The following MAGI2 variants were observed in gnomAD, a reference collection of about 807,000 sequenced individuals.
MAGI2 encodes the protein membrane-associated guanylate kinase, WW and PDZ domain-containing protein 2.
A neutral mutation model predicts 133.3 loss-of-function variants in MAGI2; 35 were observed. That is an observed-to-expected ratio of 0.26 (90% confidence interval 0.20 to 0.35). MAGI2 has a LOEUF of 0.35. MAGI2 is among the 10% of genes least tolerant of loss of function. The pLI is 1.00. For missense variants in MAGI2, 1,636 were observed against 1,863.4 expected (o/e 0.88, Z 2.25); for synonymous variants, 729 against 710.6 (o/e 1.03, Z -0.41).
At chr7:79,049,969 A>C (rs1812522062) in intron 1 of MAGI2, among the ~76,000 whole-genome samples, 2 of 152,112 alleles carry the variant, frequency 1.3e-5, no homozygotes, top group South Asian at 4.1e-4. Flanking sequence ...TGAGACTCTG[A>C]TTCTGTAGTC....
In MAGI2 at chr7:78,569,633, AAAT is replaced by A. The variant is rs1336664367; in HGVS notation, c.539-47991_539-47989del. Among the ~76,000 whole-genome samples the A allele has an allele frequency of 2.6e-5, 4 of 152,400 alleles. No homozygotes were observed. The East Asian group carries it at 7.7e-4, about 29-fold the overall frequency. On this transcript the variant is annotated intron_variant, in intron 3 of 21. Transcript: ENST00000354212. Reference sequence around the variant, plus strand: ...TCATTCCAACAGTAATATTTAAAAAAAATAAAATTTAAAACTTTTTACTTATTC... The same window carrying A: ...TCATTCCAACAGTAATATTTAAAAAAAAAATTTAAAACTTTTTACTTATTC...
chr7:79,360,700 A>G (rs1842325297), intron 1 of MAGI2, among the ~76,000 whole-genome samples: 1 of 152,108 alleles, frequency 6.6e-6, no homozygotes, highest in Non-Finnish European at 1.5e-5. Context: ...CCCAAAAACT[A>G]TGCAAAGAGA....
chr7:79,198,864 G>A (rs1828335925), intron 1 of MAGI2, among the ~76,000 whole-genome samples: 1 of 151,936 alleles, frequency 6.6e-6, no homozygotes, highest in African/African-American at 2.4e-5. Context: ...CTCTAGGCTG[G>A]GTGACAGAAT....
At chr7:78,799,217 G>A (rs545552986) in intron 2 of MAGI2, among the ~76,000 whole-genome samples, 173 of 152,248 alleles carry the variant, frequency 1.1e-3, no homozygotes, top group African/African-American at 3.9e-3. Context: ...ATTGAGATAT[G>A]CTTGGTGTTG....
intron 20 of MAGI2, among the ~76,000 whole-genome samples, chr7:78,109,174 G>C (rs1455402373): frequency 1.4e-5 from 2 of 146,248 alleles, no homozygotes; most frequent in Non-Finnish European, 3.0e-5. Flanking sequence ...CGTGGTGGCG[G>C]GCGCCTGTAG....
chr7:79,111,745 C>A (rs1238142492), intron 1 of MAGI2, among the ~76,000 whole-genome samples: 1 of 152,090 alleles, frequency 6.6e-6, no homozygotes, highest in South Asian at 2.1e-4. Flanking sequence ...CGGCTCACTG[C>A]AAGCTCCGCC....
At chr7:78,277,014 T>C (rs963363641) in intron 9 of MAGI2, among the ~76,000 whole-genome samples, 2 of 152,232 alleles carry the variant, frequency 1.3e-5, no homozygotes, top group Non-Finnish European at 2.9e-5. Context: ...CTCAATCTTA[T>C]TTATTAAATT....
intron 1 of MAGI2, among the ~76,000 whole-genome samples, chr7:79,079,672 CCTGA>C (rs1193164633): frequency 1.3e-5 from 2 of 152,078 alleles, no homozygotes; most frequent in Non-Finnish European, 2.9e-5. Context: ...AACTAGAAAA[CCTGA>C]CTATCAATAG....
intron 1 of MAGI2, among the ~76,000 whole-genome samples, chr7:79,315,305 T>C (rs926057040): frequency 2.7e-5 from 4 of 150,866 alleles, no homozygotes; most frequent in African/African-American, 9.8e-5. Flanking sequence ...ATTACAGGCA[T>C]GTGCAACCAT....
At chr7:78,782,121 C>CA (rs919697654) in intron 2 of MAGI2, among the ~76,000 whole-genome samples, 16 of 152,208 alleles carry the variant, frequency 1.1e-4, no homozygotes, top group African/African-American at 3.9e-4. Flanking sequence ...AAAAGTAGCA[C>CA]AAAATGGAGT....
chr7:78,888,496 C>A (rs147110581), intron 2 of MAGI2, among the ~76,000 whole-genome samples: 1 of 152,152 alleles, frequency 6.6e-6, no homozygotes, highest in African/African-American at 2.4e-5. Context: ...GGCAGAATGA[C>A]ACCTCACATG....
At chr7:78,775,758 G>GA (rs1825939442) in intron 2 of MAGI2, among the ~76,000 whole-genome samples, 1 of 152,066 alleles carries the variant, frequency 6.6e-6, no homozygotes, top group Non-Finnish European at 1.5e-5. Flanking sequence ...GTGAAGTCTG[G>GA]AAAATCTAAA....
chr7:79,244,264 A>G (rs1317283847), intron 1 of MAGI2, among the ~76,000 whole-genome samples: 1 of 152,244 alleles, frequency 6.6e-6, no homozygotes, highest in African/African-American at 2.4e-5. Context: ...ACAACTATCC[A>G]CACAGAAAAG....
At chr7:79,090,398 A>G (rs557171638) in intron 1 of MAGI2, among the ~76,000 whole-genome samples, 54 of 152,238 alleles carry the variant, frequency 3.5e-4, no homozygotes, top group African/African-American at 1.3e-3. Flanking sequence ...ATGGGTAGTG[A>G]CACTATTCTT....
At chr7:78,543,408 T>A (rs1053837755) in intron 3 of MAGI2, among the ~76,000 whole-genome samples, 1 of 152,236 alleles carries the variant, frequency 6.6e-6, no homozygotes, top group African/African-American at 2.4e-5. Flanking sequence ...AAATTGGCAC[T>A]CAGGCTACAA....
chr7:78,678,857 AT>A (rs1165153080), intron 2 of MAGI2, among the ~76,000 whole-genome samples: 1 of 152,140 alleles, frequency 6.6e-6, no homozygotes, highest in Non-Finnish European at 1.5e-5. Flanking sequence ...TTTGAAATTT[AT>A]CTTTCTGAAA....
intron 1 of MAGI2, among the ~76,000 whole-genome samples, chr7:79,352,435 A>T (rs1841753510): frequency 6.6e-6 from 1 of 152,228 alleles, no homozygotes; most frequent in African/African-American, 2.4e-5. Flanking sequence ...CAGACTGGTC[A>T]GAGATTGGTA....
intron 1 of MAGI2, among the ~76,000 whole-genome samples, chr7:79,017,663 A>G (rs1440625662): frequency 1.3e-5 from 2 of 152,230 alleles, no homozygotes; most frequent in African/African-American, 4.8e-5. Flanking sequence ...GAAAGTCAAA[A>G]CCCAATTCAA....
chr7:79,301,147 G>T (rs1837368578), intron 1 of MAGI2, among the ~76,000 whole-genome samples: 1 of 152,214 alleles, frequency 6.6e-6, no homozygotes, highest in Admixed American at 6.5e-5. Flanking sequence ...ATGTGGATTT[G>T]GAGCCCCCAC....
Sources: allele counts gnomAD v4.1 joint callset (sites outside exome capture counted in the v4.1 genomes callset), GRCh38; gene constraint gnomAD v4.1.1; transcripts MANE v1.5; gene names NCBI Gene and HGNC (gene_info 2026-07-23, HGNC 2026-07-21).